Variants in EYS observed in about 807,000 individuals in gnomAD.
EYS encodes protein eyes shut homolog.
In EYS, 250 loss-of-function variants were observed where a neutral mutation model predicts 282.1. The observed-to-expected ratio is 0.89, with a 90% confidence interval of 0.80 to 0.98. The LOEUF (loss-of-function observed/expected upper bound fraction) is 0.98. Ranked by LOEUF, EYS falls within the 50% of genes least tolerant of loss-of-function variation. The probability of loss-of-function intolerance (pLI) is 0.00; values close to 1 mark genes in which losing one functional copy is unlikely to be tolerated. For missense variants in EYS, 4,016 were observed against 3,709.0 expected (o/e 1.08, Z -2.15); for synonymous variants, 1,355 against 1,282.9 (o/e 1.06, Z -1.20).
chr6:65,236,233 G>A (rs979825174), intron 12 of EYS, among the ~76,000 whole-genome samples: 2 of 152,056 alleles, frequency 1.3e-5, no homozygotes, highest in Non-Finnish European at 2.9e-5. Flanking sequence ...TCAGGCATTA[G>A]GTCATATTCT....
At chr6:65,227,260 T>G (rs1000687971) in intron 12 of EYS, among the ~76,000 whole-genome samples, 4 of 151,984 alleles carry the variant, frequency 2.6e-5, no homozygotes, top group Non-Finnish European at 4.4e-5. Context: ...ATATATGACA[T>G]GTCCAGAGTA....
chr6:65,447,246 G>A (rs776715623), intron 5 of EYS, among the ~76,000 whole-genome samples: 1 of 149,292 alleles, frequency 6.7e-6, no homozygotes, highest in South Asian at 2.1e-4. Flanking sequence ...ACCAATATTG[G>A]CTTTTCTACT....
At chr6:64,475,973 T>C (rs760412526) in intron 26 of EYS, among the ~76,000 whole-genome samples, 5 of 152,104 alleles carry the variant, frequency 3.3e-5, no homozygotes, top group Non-Finnish European at 7.4e-5. Context: ...ATAACTTTTG[T>C]AGAAACCGTG....
intron 22 of EYS, among the ~76,000 whole-genome samples, chr6:64,681,412 A>G (rs1769888923): frequency 6.6e-6 from 1 of 152,174 alleles, no homozygotes; most frequent in African/African-American, 2.4e-5. Flanking sequence ...TGAAAGAATA[A>G]CTAAAAGATG....
intron 35 of EYS, among the ~76,000 whole-genome samples, chr6:63,950,119 C>T (rs914395400): frequency 2.6e-5 from 4 of 151,674 alleles, no homozygotes; most frequent in East Asian, 1.9e-4. Context: ...TTGCAGTGAG[C>T]CAAGATCACA....
chr6:63,844,072 T>C (rs1176120640), intron 36 of EYS, among the ~76,000 whole-genome samples: 5 of 152,146 alleles, frequency 3.3e-5, no homozygotes, highest in Non-Finnish European at 7.4e-5. Context: ...GTTCTAGTCA[T>C]TCAGTTCCCA....
chr6:64,214,703 T>A (rs184339670), intron 31 of EYS, among the ~76,000 whole-genome samples: 33 of 152,152 alleles, frequency 2.2e-4, no homozygotes, highest in Admixed American at 1.7e-3. Flanking sequence ...AAATATTATA[T>A]ATAATAAAGG....
At chr6:63,825,587 C>T (rs1471825564) in intron 36 of EYS, among the ~76,000 whole-genome samples, 1 of 152,156 alleles carries the variant, frequency 6.6e-6, no homozygotes, top group Admixed American at 6.5e-5. Flanking sequence ...CCGACAATGG[C>T]CAGTATCAGT....
rs1766384776 is a variant in EYS at position 64,590,884 on chromosome 6, C to T, written c.4983G>A (p.Leu1661=). 2 of 1,550,500 alleles carry T rather than the reference C, an allele frequency of 1.3e-6. No homozygotes were observed. Among genetic ancestry groups the T allele is most frequent in the African/African-American group, 2.7e-5 (2 of 73,108 alleles). ...LSSNLDVNLC[L]DKTCLSIVPS... is the part of the protein sequence containing the mutation. ...GGACAATGGATAAACAAGTCTTATCCAAACATAAATTAACATCCAAATTAC... is the reference window on the plus strand; with the variant it reads ...GGACAATGGATAAACAAGTCTTATCTAAACATAAATTAACATCCAAATTAC... The change falls in exon 26 of 43, where the codon TTG becomes TTA. Residue 1661 remains leucine (L), a synonymous_variant. Transcript: ENST00000503581.
chr6:65,323,922 T>A (rs2788905), intron 11 of EYS, among the ~76,000 whole-genome samples: 148,151 of 151,992 alleles, frequency 0.97, 72,179 homozygotes, highest in East Asian at 1. Context: ...AAGGTTCTAT[T>A]TAATCTATTC....
intron 35 of EYS, among the ~76,000 whole-genome samples, chr6:63,950,998 G>A (rs1765570389): frequency 6.6e-6 from 1 of 152,074 alleles, no homozygotes; most frequent in African/African-American, 2.4e-5. Context: ...TTTCAGAGGT[G>A]TCTGATCACC....
chr6:63,817,166 CA>C (rs1390305955), intron 36 of EYS, among the ~76,000 whole-genome samples: 4 of 152,148 alleles, frequency 2.6e-5, no homozygotes, highest in Non-Finnish European at 5.9e-5. Flanking sequence ...GTGACAGAAT[CA>C]AAGGTAATGC....
intron 19 of EYS, among the ~76,000 whole-genome samples, chr6:64,885,425 ATG>A (rs981107995): frequency 6.6e-6 from 1 of 151,680 alleles, no homozygotes; most frequent in African/African-American, 2.4e-5. Flanking sequence ...ATTTTACAAA[ATG>A]TGTTTCTTAG....
At chr6:65,618,405 T>C (rs1406617569) in intron 2 of EYS, among the ~76,000 whole-genome samples, 6 of 152,354 alleles carry the variant, frequency 3.9e-5, no homozygotes, top group African/African-American at 1.4e-4. Context: ...GGGCTGTTTG[T>C]TTTTTTCTTG....
At chr6:65,007,451 G>C (rs923832588) in intron 13 of EYS, among the ~76,000 whole-genome samples, 2 of 152,152 alleles carry the variant, frequency 1.3e-5, no homozygotes, top group African/African-American at 4.8e-5. Flanking sequence ...GGCCTCCTGA[G>C]GGAAGTATAA....
intron 35 of EYS, among the ~76,000 whole-genome samples, chr6:63,907,856 G>A (rs1462175590): frequency 6.6e-6 from 1 of 151,750 alleles, no homozygotes; most frequent in Non-Finnish European, 1.5e-5. Context: ...ACTTATAAGT[G>A]AGAACATGTA....
At chr6:63,890,328 A>T (rs888923596) in intron 35 of EYS, among the ~76,000 whole-genome samples, 1 of 152,242 alleles carries the variant, frequency 6.6e-6, no homozygotes, top group African/African-American at 2.4e-5. Flanking sequence ...CTTATTCTAA[A>T]ATTGACCACA....
intron 2 of EYS, among the ~76,000 whole-genome samples, chr6:65,586,272 T>C (rs1275841569): frequency 6.6e-6 from 1 of 152,076 alleles, no homozygotes; most frequent in African/African-American, 2.4e-5. Context: ...AGGTAGATAA[T>C]TTCAAATTAA....
intron 36 of EYS, among the ~76,000 whole-genome samples, chr6:63,855,284 C>T (rs1351535018): frequency 1.3e-5 from 2 of 152,112 alleles, no homozygotes; most frequent in Non-Finnish European, 2.9e-5. Flanking sequence ...TGTACAATGG[C>T]AATAATGATG....
Sources: gnomAD v4.1 joint callset for allele counts (sites outside exome capture counted in the v4.1 genomes callset) on GRCh38, gnomAD v4.1.1 for gene constraint, MANE v1.5 for transcripts, NCBI Gene and HGNC (gene_info 2026-07-23, HGNC 2026-07-21) for gene names.